The following CEP72 variants were observed in gnomAD, a reference collection of about 807,000 sequenced individuals.
CEP72 encodes centrosomal protein of 72 kDa.
CEP72 carries 78 observed loss-of-function variants against 65.7 expected under a neutral mutation model. The ratio of observed to expected loss-of-function variants is 1.19; its 90% CI spans 0.99 to 1.43. The LOEUF (loss-of-function observed/expected upper bound fraction) is 1.43. Ranked by LOEUF, CEP72 falls within the 40% of genes most tolerant of loss-of-function variation. The pLI is 0.00. For synonymous variants in CEP72, 358 were observed against 351.7 expected, an observed-to-expected ratio of 1.02 and a Z score of -0.20; for missense variants, 914 against 832.9, an observed-to-expected ratio of 1.10 and a Z score of -1.20.
At chr5:619,998 G>T in intron 2 of CEP72, 71 bp from the exon 3 acceptor site, 1 of 1,295,894 alleles carries the variant, frequency 7.7e-7, no homozygotes, top group Non-Finnish European at 1.1e-6. Context: ...GTCAGTGTGT[G>T]TTGCTGGCTT....
Position 653,086 on chromosome 5 carries a change from A to T in CEP72, c.1877A>T (p.Glu626Val). 6.2e-7 allele frequency: 1 copy of T among 1,613,804 alleles called. No individual in the cohort carries two copies. The highest frequency in any genetic ancestry group is 8.5e-7 in the Non-Finnish European group (1 of 1,180,022). Reference sequence around the variant, plus strand: ...GAGCAGATGCACTGGAGCTACCAGGAGCTCAAGAAGACCATGGCCCTGTTT... The same window carrying T: ...GAGCAGATGCACTGGAGCTACCAGGTGCTCAAGAAGACCATGGCCCTGTTT... Reference protein sequence around the residue: ...EVEQMHWSYQELKKTMALFPH... With the variant: ...EVEQMHWSYQVLKKTMALFPH... The change falls in exon 12 of 12, where the codon GAG becomes GTG. Residue 626 changes from glutamate to valine, a missense_variant. Glu to Val is a moderately radical substitution (Grantham distance 121). Coordinates refer to ENST00000264935, the MANE Select transcript of CEP72 (RefSeq NM_018140.4).
chr5:632,735 GCCC>G (rs1737278054), intron 4 of CEP72, among the ~76,000 whole-genome samples: 1 of 28,652 alleles, frequency 3.5e-5, no homozygotes, highest in African/African-American at 1.7e-4. Flanking sequence ...CCGGGATTTG[GCCC>G]AGTCCTGGTG....
At chr5:674,260 C>G in the CEP72 span, among the ~76,000 whole-genome samples, 1 of 152,118 alleles carries the variant, frequency 6.6e-6, no homozygotes, top group Non-Finnish European at 1.5e-5. Context: ...TCCACACGCC[C>G]GAGCCTGCTG....
intron 9 of CEP72, chr5:641,113 G>T: frequency 3.0e-6 from 3 of 985,370 alleles, no homozygotes; most frequent in Non-Finnish European, 3.6e-6. Flanking sequence ...CCCTCCTTCC[G>T]TCTCAGCCGT....
Position 612,352 on chromosome 5 carries a change from C to T in CEP72, c.-10C>T, listed in dbSNP as rs1450851245. 3.4e-6 allele frequency: 5 copies of T among 1,486,780 alleles called. No individual in the cohort carries two copies. The South Asian group carries it at 3.8e-5, about 11-fold the overall frequency. 92.1% of individuals were successfully genotyped at this position (1,486,780 alleles called of 1,614,324 possible). ...CCGCGCAGGCGCCGTCCGAGGGCTC[C>T]GTTTGAAACATGGCGCGGGCTGGCC... On this transcript the variant is annotated 5_prime_UTR_variant, in exon 1 of 12. Transcript: ENST00000264935.
At chr5:641,670 A>G in intron 9 of CEP72, 1 of 983,540 alleles carries the variant, frequency 1.0e-6, no homozygotes, top group Non-Finnish European at 1.2e-6. Context: ...AAGCCTCTGT[A>G]TTTAAACACA....
chr5:671,005 C>T (rs1222493212), downstream of CEP72, among the ~76,000 whole-genome samples: 1 of 152,216 alleles, frequency 6.6e-6, no homozygotes, highest in East Asian at 1.9e-4. Context: ...GCTCAGGCCC[C>T]AGGGCGGGCT....
chr5:671,223 T>C (rs451979), downstream of CEP72, among the ~76,000 whole-genome samples: 75,900 of 147,914 alleles, frequency 0.51, 19,550 homozygotes, highest in South Asian at 0.61. Flanking sequence ...TTTGCGTTGC[T>C]GCCGGCCTTT....
intron 5 of CEP72, among the ~76,000 whole-genome samples, 167 bp downstream of exon 5, chr5:634,114 A>G (rs917728544): frequency 6.9e-6 from 1 of 144,404 alleles, no homozygotes; most frequent in African/African-American, 2.6e-5. Context: ...CATTTGGACT[A>G]CAGAGTTATA....
At chr5:647,655 G>T (rs770629713) in intron 10 of CEP72, 150 bp from the exon 11 acceptor site, 1 of 618,200 alleles carries the variant, frequency 1.6e-6, no homozygotes, top group Non-Finnish European at 2.9e-6. Context: ...TGCTCGCCCT[G>T]TCTTTGAGTC....
At chr5:628,963 G>A (rs955878514) in intron 4 of CEP72, among the ~76,000 whole-genome samples, 54 of 145,118 alleles carry the variant, frequency 3.7e-4, no homozygotes, top group South Asian at 1.3e-3. Context: ...CACAGGCCCC[G>A]GGGAGTGTTC....
chr5:625,952 T>C (rs1736728544), intron 4 of CEP72, among the ~76,000 whole-genome samples: 1 of 151,864 alleles, frequency 6.6e-6, no homozygotes, highest in South Asian at 2.1e-4. Context: ...AATGGCCTCA[T>C]GGTAATTTGA....
intron 3 of CEP72, among the ~76,000 whole-genome samples, chr5:622,122 T>G (rs1471190305): frequency 6.6e-6 from 1 of 152,236 alleles, no homozygotes; most frequent in Admixed American, 6.5e-5. Flanking sequence ...GAGAAGTTTC[T>G]GGAGATGCTG....
downstream of CEP72, among the ~76,000 whole-genome samples, chr5:671,488 A>G (rs1048331324): frequency 3.9e-5 from 6 of 152,232 alleles, no homozygotes; most frequent in Non-Finnish European, 5.9e-5. Flanking sequence ...TCACCTTCTC[A>G]AATGACCTGT....
the CEP72 span, among the ~76,000 whole-genome samples, chr5:673,988 T>C: frequency 6.6e-6 from 1 of 152,190 alleles, no homozygotes; most frequent in Non-Finnish European, 1.5e-5. Context: ...TGCGCCATAG[T>C]TTGAAAGCAA....
intron 1 of CEP72, among the ~76,000 whole-genome samples, chr5:614,808 G>A (rs527548733): frequency 1.3e-5 from 2 of 152,150 alleles, no homozygotes; most frequent in Non-Finnish European, 2.9e-5. Context: ...TTATGATCCA[G>A]CATCTGGTCT....
chr5:666,091 T>C, exon 4 of CEP72: 17 of 1,612,188 alleles, frequency 1.1e-5, no homozygotes, highest in Non-Finnish European at 1.4e-5. Context: ...CTCCTGGAAC[T>C]GCTCAAAGGT....
At chr5:622,527 C>T (rs1736458952) in intron 3 of CEP72, among the ~76,000 whole-genome samples, 1 of 152,266 alleles carries the variant, frequency 6.6e-6, no homozygotes, top group Admixed American at 6.5e-5. Flanking sequence ...ACAGGGAAGA[C>T]CCTGGCTCAC....
chr5:620,305 G>A (rs945791922), intron 3 of CEP72, 44 bp downstream of exon 3: 13 of 1,557,080 alleles, frequency 8.3e-6, no homozygotes, highest in Non-Finnish European at 5.3e-6. Context: ...GTCCCCGTGG[G>A]GTATGGGAGT....
Sources: allele counts gnomAD v4.1 joint callset (sites outside exome capture counted in the v4.1 genomes callset), GRCh38; gene constraint gnomAD v4.1.1; transcripts MANE v1.5; gene names NCBI Gene and HGNC (gene_info 2026-07-23, HGNC 2026-07-21).